C1orf141: variants seen among roughly 807,000 people sequenced by gnomAD.
The protein encoded by C1orf141 is chromosome 1 open reading frame 141, also known as uncharacterized protein C1orf141.
Under a neutral mutation model 23.2 loss-of-function variants are expected in C1orf141, and 19 were observed. The observed-to-expected ratio is 0.82, with a 90% CI of 0.57 to 1.20. C1orf141 has a LOEUF of 1.20. Among genes scored for constraint, C1orf141 ranks in the 50% most tolerant of loss-of-function variants. The pLI is 0.00. For missense variants in C1orf141, 469 were observed against 455.1 expected, an observed-to-expected ratio of 1.03 and a Z score of -0.28; for synonymous variants, 153 against 154.6, an observed-to-expected ratio of 0.99 and a Z score of 0.08.
intron 5 of C1orf141, among the ~76,000 whole-genome samples, chr1:67,109,938 C>A (rs1646028929): frequency 6.6e-6 from 1 of 151,722 alleles, no homozygotes; most frequent in Non-Finnish European, 1.5e-5. Flanking sequence ...AAAAAAGAGT[C>A]CATTGTTGTT....
chr1:67,097,438 G>A (rs1302484135), intron 5 of C1orf141, among the ~76,000 whole-genome samples: 1 of 152,210 alleles, frequency 6.6e-6, no homozygotes, highest in African/African-American at 2.4e-5. Context: ...CAAGTGTGGA[G>A]GTCTCAGTGT....
intron 5 of C1orf141, among the ~76,000 whole-genome samples, chr1:67,113,384 A>T (rs1646121560): frequency 6.6e-6 from 1 of 150,402 alleles, no homozygotes; most frequent in Non-Finnish European, 1.5e-5. Context: ...CTTTTTTTTT[A>T]GATGGAGTTT....
intron 5 of C1orf141, among the ~76,000 whole-genome samples, chr1:67,105,256 G>GC (rs1417610933): frequency 1.3e-5 from 2 of 149,896 alleles, no homozygotes; most frequent in Non-Finnish European, 3.0e-5. Flanking sequence ...AATCTGGGAG[G>GC]CAGAGGTTGC....
At chr1:67,131,786 C>CTTTTTT (rs796496335) in intron 1 of C1orf141, among the ~76,000 whole-genome samples, 18 of 121,504 alleles carry the variant, frequency 1.5e-4, no homozygotes, top group East Asian at 2.3e-4. Flanking sequence ...ACTACCTCTT[C>CTTTTTT]TTTTTTTTTT....
At chr1:67,111,452 T>C (rs528731884) in intron 5 of C1orf141, 1 of 451,768 alleles carries the variant, frequency 2.2e-6, no homozygotes, top group Admixed American at 4.3e-5. Context: ...GAAATCACTT[T>C]AACATTTTAT....
intron 5 of C1orf141, chr1:67,103,473 C>T (rs957338190): frequency 1.4e-6 from 1 of 698,916 alleles, no homozygotes; most frequent in Non-Finnish European, 2.1e-6. Flanking sequence ...TTCACATTTG[C>T]AATATTGAAT....
At position 67,115,402 on chromosome 1, in the gene C1orf141, C is replaced by A; in HGVS notation, c.296G>T (p.Arg99Ile). ...RKSNFEKSNLRPFFIQTNVKN... is the reference protein window; with the variant it reads ...RKSNFEKSNLIPFFIQTNVKN... ...TACATTTGTTTGAATAAAGAATGGT[C>A]TTAAATTTGACTTTTCAAAATTACT... The change falls in exon 5 of 8, where the codon AGA becomes ATA. Residue 99 changes from arginine to isoleucine, a missense_variant. By Grantham distance (97) the Arg-to-Ile change is moderately conservative. Around this residue, in one of 3 missense-constraint regions of C1orf141, gnomAD observed 370 missense variants for 348.1 expected, o/e 1.06. Transcript: ENST00000684719. 6.7e-7 allele frequency: 1 copy of A among 1,500,186 alleles called. No homozygotes were observed. The highest frequency in any genetic ancestry group is 1.2e-5 in the South Asian group (1 of 83,130). 92.9% of individuals were successfully genotyped at this position (1,500,186 alleles called of 1,614,324 possible).
Position 67,125,821 on chromosome 1 carries a change from G to A in C1orf141, c.164C>T (p.Ala55Val). The A allele has an allele frequency of 1.9e-6, 3 of 1,613,162 alleles. No individual in the cohort carries two copies. Among genetic ancestry groups the A allele is most frequent in the Non-Finnish European group, 2.5e-6 (3 of 1,179,802 alleles). ...TGATATTGCCTTAGACGCGGATGTA[G>A]CAAGAGCTTCTTCAAATTCCAACTG... The part of the protein sequence containing the change: ...DFQLEFEEAL[A>V]TSASKAISKI... The change falls in exon 4 of 8, where the codon GCT becomes GTT. Residue 55 changes from alanine (A) to valine (V), a missense_variant. By Grantham distance (64) the Ala-to-Val change is moderately conservative (BLOSUM62 0). Transcript: ENST00000684719.
intron 6 of C1orf141, 65 bp from the exon 7 acceptor site, chr1:67,095,486 G>A: frequency 2.1e-6 from 2 of 932,412 alleles, no homozygotes; most frequent in Non-Finnish European, 3.1e-6. Context: ...GTTCTTGTCT[G>A]CCTCCTTTTA....
At chr1:67,132,390 G>A (rs2102510464) in intron 1 of C1orf141, among the ~76,000 whole-genome samples, 1 of 152,260 alleles carries the variant, frequency 6.6e-6, no homozygotes, top group African/African-American at 2.4e-5. Flanking sequence ...GGTCATGGTG[G>A]CGCACGCCTG....
intron 5 of C1orf141, among the ~76,000 whole-genome samples, chr1:67,107,674 A>C (rs1268317659): frequency 6.6e-6 from 1 of 152,138 alleles, no homozygotes; most frequent in African/African-American, 2.4e-5. Flanking sequence ...GGATCACCTG[A>C]GGTGGGGAGT....
chr1:67,106,634 G>A (rs1645933563), intron 5 of C1orf141, among the ~76,000 whole-genome samples: 1 of 152,074 alleles, frequency 6.6e-6, no homozygotes, highest in African/African-American at 2.4e-5. Flanking sequence ...CTCCAGCCTG[G>A]GTGACAGAGC....
intron 2 of C1orf141, 94 bp downstream of exon 2, chr1:67,131,048 T>C (rs1273576874): frequency 6.6e-6 from 1 of 152,320 alleles, no homozygotes; most frequent in Non-Finnish European, 1.5e-5. Flanking sequence ...AATATGATGG[T>C]GTTCCCCAAC....
intron 5 of C1orf141, among the ~76,000 whole-genome samples, chr1:67,104,575 A>G (rs1645878336): frequency 6.6e-6 from 1 of 152,170 alleles, no homozygotes; most frequent in Non-Finnish European, 1.5e-5. Context: ...TACCTTTAAA[A>G]CATAGTTTAA....
At chr1:67,129,433 C>G (rs927637186) in intron 2 of C1orf141, among the ~76,000 whole-genome samples, 3 of 152,120 alleles carry the variant, frequency 2.0e-5, no homozygotes, top group Non-Finnish European at 4.4e-5. Flanking sequence ...CTTCTGCACC[C>G]CGGCTTGGGT....
intron 5 of C1orf141, among the ~76,000 whole-genome samples, chr1:67,099,758 A>G (rs1459936700): frequency 1.3e-5 from 2 of 152,240 alleles, no homozygotes; most frequent in African/African-American, 4.8e-5. Flanking sequence ...CCTGGGCAAC[A>G]AAAGTGAAAC....
chr1:67,108,267 C>A (rs146066495), intron 5 of C1orf141, among the ~76,000 whole-genome samples: 25 of 152,276 alleles, frequency 1.6e-4, no homozygotes, highest in Admixed American at 4.6e-4. Context: ...AGTAAGGGCT[C>A]GCTCTCGGAT....
chr1:67,137,757 C>T (rs936354517), upstream of C1orf141, among the ~76,000 whole-genome samples: 2 of 152,214 alleles, frequency 1.3e-5, no homozygotes, highest in Non-Finnish European at 1.5e-5. Context: ...AGGGCAAAGG[C>T]CGGACTTTCT....
Position 67,097,227 on chromosome 1 carries a change from C to T in C1orf141, c.347-906G>A, listed in dbSNP as rs188263946. 2.0e-5 allele frequency among the ~76,000 whole-genome samples: 3 copies of T among 152,108 alleles called. No homozygotes were observed. The East Asian group carries it at 5.8e-4, about 29-fold the overall frequency. Reference sequence around the variant, plus strand: ...AAAAACAAAAACAAACAAAAAAAACCCGACAACAACAAAAACAAGTAAACC... The same window carrying T: ...AAAAACAAAAACAAACAAAAAAAACTCGACAACAACAAAAACAAGTAAACC... On this transcript the variant is annotated intron_variant, in intron 5 of 7. Coordinates refer to ENST00000684719, the MANE Select transcript of C1orf141 (RefSeq NM_001276351.2).
Sources: allele counts gnomAD v4.1 joint callset (sites outside exome capture counted in the v4.1 genomes callset), GRCh38; gene constraint gnomAD v4.1.1; regional missense constraint gnomAD v4.1.1; transcripts MANE v1.5; gene names NCBI Gene and HGNC (gene_info 2026-07-23, HGNC 2026-07-21).